WTIP: variants seen among roughly 807,000 people sequenced by gnomAD.
WTIP encodes the protein Wilms tumor protein 1-interacting protein.
WTIP carries 23 observed loss-of-function variants against 41.7 expected under a neutral mutation model. That is an observed-to-expected ratio of 0.55 (90% confidence interval 0.40 to 0.78). The LOEUF (loss-of-function observed/expected upper bound fraction) is 0.78, where lower values mean the gene tolerates loss of function less well. Ranked by LOEUF, WTIP falls within the 30% of genes least tolerant of loss-of-function variation. The pLI, the probability that WTIP is intolerant of heterozygous loss-of-function variation, is 0.00. For synonymous variants in WTIP, 314 were observed against 269.9 expected, an observed-to-expected ratio of 1.16 and a Z score of -1.60; for missense variants, 619 against 610.5, an observed-to-expected ratio of 1.01 and a Z score of -0.15.
rs1311238684 is a variant in WTIP, at chr19:34,511,515, G to A, written c.*11246G>A. ...AAAAAGTAGCTACGTGTTTGGGCCT[G>A]GCTTTCATTATTTACCAAGGATCAA... On this transcript the variant is annotated 3_prime_UTR_variant, in exon 8 of 8. Transcript: ENST00000590071. 6.6e-6 allele frequency: 1 copy of A among 152,174 alleles called. No homozygotes were observed. The highest frequency in any genetic ancestry group is 1.5e-5 in the Non-Finnish European group (1 of 68,036). 9.4% of individuals were successfully genotyped at this position (152,174 alleles called of 1,614,324 possible). A position where few individuals can be genotyped will look rare whatever the true frequency, so the allele number is the denominator to read the frequency against.
chr19:34,487,410 G>A (rs758913870), intron 1 of WTIP, among the ~76,000 whole-genome samples: 1 of 152,166 alleles, frequency 6.6e-6, no homozygotes, highest in South Asian at 2.1e-4. Context: ...CCCCTGCCTG[G>A]TTCTGAAGGC....
intron 7 of WTIP, among the ~76,000 whole-genome samples, chr19:34,497,432 G>A (rs538177406): frequency 2.8e-4 from 42 of 152,258 alleles, no homozygotes; most frequent in Admixed American, 6.5e-4. Flanking sequence ...CTCTTCCTCC[G>A]TTCTGGCGGG....
chr19:34,500,468 T>G lies in WTIP; in HGVS notation c.*199T>G. On this transcript the variant is annotated 3_prime_UTR_variant, in exon 8 of 8. Transcript: ENST00000590071. ...GCTCAAGTCACTTCCCTGCGGGCCC[T>G]GCCTCCCACCCACCCCATCACCAGC... is the stretch of plus-strand genomic sequence containing the variant. 1.4e-6 allele frequency: 1 copy of G among 706,152 alleles called. No individual in the cohort carries two copies. Among genetic ancestry groups the G allele is most frequent in the Non-Finnish European group, 2.2e-6 (1 of 463,304 alleles). 43.7% of individuals were successfully genotyped at this position (706,152 alleles called of 1,614,324 possible). A position where few individuals can be genotyped will look rare whatever the true frequency, so the allele number is the denominator to read the frequency against.
intron 1 of WTIP, among the ~76,000 whole-genome samples, chr19:34,483,150 G>GCACAC (rs1156547145): frequency 1.3e-5 from 2 of 148,298 alleles, no homozygotes; most frequent in Admixed American, 6.7e-5. Flanking sequence ...GACTACAGGT[G>GCACAC]CACACCACCA....
At chr19:34,496,027 G>C (rs544351229) in intron 7 of WTIP, among the ~76,000 whole-genome samples, 25 of 152,108 alleles carry the variant, frequency 1.6e-4, no homozygotes, top group Middle Eastern at 3.4e-3. Flanking sequence ...CGTGGTGGCG[G>C]GCACCTGTAG....
At chr19:34,494,505 G>T in intron 5 of WTIP, 81 bp from the exon 6 acceptor site, 1 of 1,420,856 alleles carries the variant, frequency 7.0e-7, no homozygotes, top group Non-Finnish European at 9.8e-7. Context: ...ACGTCAGTGG[G>T]TTCCTGTGGG....
At chr19:34,498,343 C>G (rs1005729350) in intron 7 of WTIP, among the ~76,000 whole-genome samples, 2 of 152,180 alleles carry the variant, frequency 1.3e-5, no homozygotes, top group Non-Finnish European at 2.9e-5. Context: ...CCAGGGACCC[C>G]TGTGTGGTGG....
intron 7 of WTIP, chr19:34,498,775 C>G (rs1265447049): frequency 6.6e-6 from 1 of 152,322 alleles, no homozygotes; most frequent in Non-Finnish European, 1.5e-5. Context: ...TGGCGGGCGC[C>G]TGTAGTCCCA....
At chr19:34,482,837 T>G (rs1289850568) in intron 1 of WTIP, 196 bp downstream of exon 1, 10 of 967,926 alleles carry the variant, frequency 1.0e-5, no homozygotes, top group African/African-American at 1.8e-5. Flanking sequence ...TGCGCCTGGA[T>G]CCCCAGCAGC....
chr19:34,484,215 G>A (rs1322269782), intron 1 of WTIP, among the ~76,000 whole-genome samples: 4 of 152,080 alleles, frequency 2.6e-5, no homozygotes, highest in Non-Finnish European at 5.9e-5. Flanking sequence ...GTGAGCCACC[G>A]TGCCCGGCCC....
chr19:34,500,325 G>T lies in WTIP; in HGVS notation c.*56G>T, dbSNP rs1568403388. 2.8e-5 allele frequency: 42 copies of T among 1,494,362 alleles called. No individual in the cohort carries two copies. The highest frequency in any genetic ancestry group is 2.2e-5 in the Non-Finnish European group (25 of 1,118,832). The allele number at this position is 1,494,362 out of a possible 1,614,324, so 92.6% of individuals were successfully genotyped here. A position where few individuals can be genotyped will look rare whatever the true frequency, so the allele number is the denominator to read the frequency against. ...GGGTGTGGGTGTGGAGGGAGGGCCC[G>T]CGTGGGTGGCCCTGGTCAGCGTCAG... is the stretch of plus-strand genomic sequence containing the variant. On this transcript the variant is annotated 3_prime_UTR_variant, in exon 8 of 8. Coordinates refer to ENST00000590071, the MANE Select transcript of WTIP (RefSeq NM_001080436.2).
In WTIP at chr19:34,504,926, G is replaced by A. The variant is rs2075904977; in HGVS notation, c.*4657G>A. The A allele has an allele frequency of 1.3e-5, 2 of 152,446 alleles. No individual in the cohort carries two copies. Among genetic ancestry groups the A allele is most frequent in the Admixed American group, 1.3e-4 (2 of 15,294 alleles). The allele number at this position is 152,446 out of a possible 1,614,324, so 9.4% of individuals were successfully genotyped here. A position where few individuals can be genotyped will look rare whatever the true frequency, so the allele number is the denominator to read the frequency against. ...TTTGCTGGCTGCAGGGTTAGGAGTAGGCGCAGCCTGTGGGGCCCAGGAGAA... is the reference window on the plus strand; with the variant it reads ...TTTGCTGGCTGCAGGGTTAGGAGTAAGCGCAGCCTGTGGGGCCCAGGAGAA... On this transcript the variant is annotated 3_prime_UTR_variant, in exon 8 of 8. Coordinates refer to ENST00000590071, the MANE Select transcript of WTIP (RefSeq NM_001080436.2).
At chr19:34,497,408 G>A in intron 7 of WTIP, among the ~76,000 whole-genome samples, 1 of 152,116 alleles carries the variant, frequency 6.6e-6, no homozygotes, top group Admixed American at 6.6e-5. Flanking sequence ...AAGGTGGGAG[G>A]GGAAATCCAA....
intron 1 of WTIP, among the ~76,000 whole-genome samples, chr19:34,487,419 G>A (rs2075803435): frequency 6.6e-6 from 1 of 152,206 alleles, no homozygotes; most frequent in African/African-American, 2.4e-5. Context: ...GGTTCTGAAG[G>A]CATCTGAACT....
intron 2 of WTIP, among the ~76,000 whole-genome samples, chr19:34,491,942 C>G (rs766067224): frequency 2.0e-5 from 3 of 152,138 alleles, no homozygotes; most frequent in Non-Finnish European, 4.4e-5. Flanking sequence ...CCGCGCCTGG[C>G]CCTATCTTGC....
chr19:34,482,719 C>G, intron 1 of WTIP, 78 bp downstream of exon 1: 1 of 1,207,194 alleles, frequency 8.3e-7, no homozygotes, highest in Non-Finnish European at 1.0e-6. Flanking sequence ...GGTAGGCGGC[C>G]GGATCAGCGG....
chr19:34,495,776 G>T lies in WTIP; in HGVS notation c.1152+5G>T. 1 of 1,613,552 alleles carries T rather than the reference G, an allele frequency of 6.2e-7. No homozygotes were observed. Among genetic ancestry groups the T allele is most frequent in the South Asian group, 1.1e-5 (1 of 91,030 alleles). On this transcript the variant is annotated splice_donor_5th_base_variant and intron_variant, in intron 7 of 7. Transcript: ENST00000590071. ...GTGGCATGTTACCACTGTGAGGTGA[G>T]CCTGGGCCCACAGGAGGCTGGCAGC...
In WTIP at chr19:34,482,020, G is replaced by T; in HGVS notation, c.46G>T (p.Ala16Ser). The T allele has an allele frequency of 2.9e-6, 3 of 1,023,864 alleles. No individual in the cohort carries two copies. Among genetic ancestry groups the T allele is most frequent in the Non-Finnish European group, 3.5e-6 (3 of 856,284 alleles). The allele number at this position is 1,023,864 out of a possible 1,614,324, so 63.4% of individuals were successfully genotyped here. The change falls in exon 1 of 8, where the codon GCC (alanine) becomes TCC (serine). Residue 16 changes from alanine (A) to serine (S), a missense_variant. Ala to Ser is a moderately conservative substitution (Grantham distance 99). Transcript: ENST00000590071. ...AGADEAALLL[A>S]GLALRELEPG... is the part of the protein sequence containing the mutation. Reference sequence around the variant, plus strand: ...CGCGGACGAGGCGGCCCTACTCCTGGCCGGGCTGGCCCTGCGGGAGCTGGA... The same window carrying T: ...CGCGGACGAGGCGGCCCTACTCCTGTCCGGGCTGGCCCTGCGGGAGCTGGA...
At chr19:34,495,988 C>G (rs1375241741) in intron 7 of WTIP, among the ~76,000 whole-genome samples, 1 of 152,088 alleles carries the variant, frequency 6.6e-6, no homozygotes. Flanking sequence ...GAAACCCCGT[C>G]TCTACTAAAA....
Sources: gnomAD v4.1 joint callset for allele counts (sites outside exome capture counted in the v4.1 genomes callset) on GRCh38, gnomAD v4.1.1 for gene constraint, MANE v1.5 for transcripts, NCBI Gene and HGNC (gene_info 2026-07-23, HGNC 2026-07-21) for gene names.